Variants in ZMYM4 observed in about 807,000 individuals in gnomAD.
ZMYM4 encodes zinc finger MYM-type protein 4.
Under a neutral mutation model 183.2 loss-of-function variants are expected in ZMYM4, and 31 were observed. The ratio of observed to expected loss-of-function variants is 0.17; its 90% CI spans 0.13 to 0.23. ZMYM4 has a LOEUF of 0.23. Among genes scored for constraint, ZMYM4 ranks in the 10% least tolerant of loss-of-function variants. The probability of loss-of-function intolerance (pLI) is 1.00; values close to 1 mark genes in which losing one functional copy is unlikely to be tolerated. For synonymous variants in ZMYM4, 592 were observed against 631.2 expected (o/e 0.94, Z 0.93); for missense variants, 1,273 against 1,840.3 (o/e 0.69, Z 5.64).
At chr1:35,398,742 C>T (rs1644851320) in intron 21 of ZMYM4, 122 bp from the exon 22 acceptor site, 3 of 986,156 alleles carry the variant, frequency 3.0e-6, no homozygotes, top group Non-Finnish European at 4.5e-6. Context: ...TTGAGTGTAC[C>T]TAGGTAATTG....
chr1:35,393,647 T>C lies in ZMYM4; in HGVS notation c.2819T>C (p.Leu940Pro). 6.2e-7 allele frequency: 1 copy of C among 1,612,374 alleles called. No individual in the cohort carries two copies. Among genetic ancestry groups the C allele is most frequent in the African/African-American group, 1.3e-5 (1 of 75,022 alleles). The change falls in exon 18 of 30, where the codon CTT becomes CCT. Residue 940 changes from leucine (L) to proline (P), a missense_variant. Physicochemically the swap from Leu to Pro is moderately conservative, Grantham distance 98. Around this residue, in one of 6 missense-constraint regions of ZMYM4, gnomAD observed 290 missense variants for 353.3 expected, o/e 0.82. Transcript: ENST00000314607. ...CTGCCACCTTCCCAACCTCCAAGGC[T>C]TTTGAAGAACAAAGCTTTATTATGC... Reference protein sequence around the residue: ...LKLPPSQPPRLLKNKALLCKP... With the variant: ...LKLPPSQPPRPLKNKALLCKP...
intron 1 of ZMYM4, among the ~76,000 whole-genome samples, chr1:35,297,437 G>GC (rs1557941262): frequency 6.6e-6 from 1 of 150,982 alleles, no homozygotes; most frequent in Non-Finnish European, 1.5e-5. Flanking sequence ...GTTGCAGTGA[G>GC]CCGAGGTCAC....
At chr1:35,291,129 T>C (rs1640739380) in intron 1 of ZMYM4, among the ~76,000 whole-genome samples, 1 of 152,216 alleles carries the variant, frequency 6.6e-6, no homozygotes, top group African/African-American at 2.4e-5. Flanking sequence ...TAAACATGTT[T>C]TCATTTTTCT....
At chr1:35,305,003 G>T in intron 1 of ZMYM4, among the ~76,000 whole-genome samples, 1 of 151,926 alleles carries the variant, frequency 6.6e-6, no homozygotes, top group Non-Finnish European at 1.5e-5. Flanking sequence ...GCGCTACTAC[G>T]ACCAGCTAAT....
In ZMYM4 at chr1:35,381,366, A is replaced by G. The variant is rs1335468696; in HGVS notation, c.1289A>G (p.Lys430Arg). The G allele has an allele frequency of 1.2e-6, 2 of 1,613,196 alleles. No homozygotes were observed. Among genetic ancestry groups the G allele is most frequent in the Non-Finnish European group, 1.7e-6 (2 of 1,179,684 alleles). The change falls in exon 8 of 30, where the codon AAA (lysine) becomes AGA (arginine). Residue 430 changes from lysine to arginine, a missense_variant. Physicochemically the swap from Lys to Arg is conservative, Grantham distance 26 (BLOSUM62 2). Around this residue, in one of 6 missense-constraint regions of ZMYM4, gnomAD observed 319 missense variants for 518.1 expected, o/e 0.62. Coordinates refer to ENST00000314607, the MANE Select transcript of ZMYM4 (RefSeq NM_005095.3). ...SCLSTYELKK[K>R]PIVTINTNSI... ...TTGTCAACATATGAACTGAAAAAAA[A>G]ACCTATTGTTACCATAAATACAAAT... is the stretch of plus-strand genomic sequence containing the variant.
chr1:35,347,654 A>G (rs1165717833), intron 2 of ZMYM4, among the ~76,000 whole-genome samples: 1 of 152,126 alleles, frequency 6.6e-6, no homozygotes, highest in Non-Finnish European at 1.5e-5. Context: ...GAAAATACAG[A>G]TTTTTGTTTT....
intron 26 of ZMYM4, among the ~76,000 whole-genome samples, chr1:35,411,451 G>A (rs538818611): frequency 1.6e-4 from 24 of 152,108 alleles, no homozygotes; most frequent in Admixed American, 9.8e-4. Flanking sequence ...CACTGTGCCC[G>A]GCCCTAATCC....
chr1:35,370,019 T>C lies in ZMYM4; in HGVS notation c.841-10T>C. The C allele has an allele frequency of 6.3e-7, 1 of 1,593,584 alleles. No homozygotes were observed. Among genetic ancestry groups the C allele is most frequent in the African/African-American group, 1.3e-5 (1 of 74,150 alleles). On this transcript the variant is annotated splice_polypyrimidine_tract_variant and intron_variant, in intron 5 of 29. Transcript: ENST00000314607. ...CTCTATGTATTTATTTATTTTTTTC[T>C]TCTTTAAAGGAGTATAGTCATGGCC...
rs889970313 is a variant in ZMYM4 at position 35,420,134 on chromosome 1, C to CTG, written c.*460_*461dup. The CTG allele has an allele frequency of 1.8e-4, 28 of 159,040 alleles. No homozygotes were observed. Among genetic ancestry groups the CTG allele is most frequent in the African/African-American group, 4.1e-4 (17 of 41,628 alleles). 9.9% of individuals were successfully genotyped at this position (159,040 alleles called of 1,614,324 possible). On this transcript the variant is annotated 3_prime_UTR_variant, in exon 30 of 30. Coordinates refer to ENST00000314607, the MANE Select transcript of ZMYM4 (RefSeq NM_005095.3). The stretch of plus-strand genomic sequence containing the variant: ...AGCTAAGAGTGACATCAAATGAGGA[C>CTG]TGTGGGACCCAGATTTGAAGACCCA...
chr1:35,330,755 T>C (rs1371869578), intron 2 of ZMYM4, among the ~76,000 whole-genome samples: 4 of 152,224 alleles, frequency 2.6e-5, no homozygotes, highest in African/African-American at 9.6e-5. Flanking sequence ...ATCATTTCAC[T>C]TTTAAGTGAT....
At chr1:35,362,043 A>G (rs530850073) in intron 5 of ZMYM4, among the ~76,000 whole-genome samples, 1 of 152,334 alleles carries the variant, frequency 6.6e-6, no homozygotes, top group East Asian at 1.9e-4. Context: ...ATTTTAGCGC[A>G]AGGCTTTGAG....
At chr1:35,361,516 C>A in intron 4 of ZMYM4, 103 bp from the exon 5 acceptor site, 1 of 1,309,730 alleles carries the variant, frequency 7.6e-7, no homozygotes, top group Non-Finnish European at 1.0e-6. Flanking sequence ...AATGAATGTC[C>A]ATAGAGTTCT....
intron 28 of ZMYM4, among the ~76,000 whole-genome samples, chr1:35,416,686 C>A (rs1245617173): frequency 6.6e-6 from 1 of 152,230 alleles, no homozygotes; most frequent in East Asian, 1.9e-4. Context: ...GCCTCAGCCT[C>A]CCAAGTAGCT....
intron 11 of ZMYM4, among the ~76,000 whole-genome samples, chr1:35,386,514 C>T (rs903012218): frequency 6.6e-6 from 1 of 152,126 alleles, no homozygotes; most frequent in African/African-American, 2.4e-5. Flanking sequence ...GAAATCCACC[C>T]CCATGATCCA....
At chr1:35,376,015 GCAGTGAGCTATGATCA>G (rs553444851) in intron 7 of ZMYM4, among the ~76,000 whole-genome samples, 74 of 151,940 alleles carry the variant, frequency 4.9e-4, no homozygotes, top group African/African-American at 1.7e-3. Context: ...GTTTGAGGCT[GCAGTGAGCTATGATCA>G]CACTCCTGCT....
intron 2 of ZMYM4, among the ~76,000 whole-genome samples, chr1:35,328,402 A>T (rs959822230): frequency 5.3e-5 from 8 of 151,526 alleles, no homozygotes; most frequent in African/African-American, 1.9e-4. Context: ...CCATCTCAGC[A>T]TCCAAGTAGC....
At chr1:35,374,709 T>TA (rs1335230619) in intron 7 of ZMYM4, among the ~76,000 whole-genome samples, 1 of 151,830 alleles carries the variant, frequency 6.6e-6, no homozygotes, top group Non-Finnish European at 1.5e-5. Flanking sequence ...TTTTTTTTTT[T>TA]AAAGATTTAT....
At chr1:35,351,432 A>G in intron 2 of ZMYM4, 1 of 1,575,036 alleles carries the variant, frequency 6.3e-7, no homozygotes. Flanking sequence ...GATGGAGGAG[A>G]TGTATAAGAA....
intron 27 of ZMYM4, among the ~76,000 whole-genome samples, chr1:35,414,676 A>G (rs1640043041): frequency 6.6e-6 from 1 of 152,232 alleles, no homozygotes; most frequent in Non-Finnish European, 1.5e-5. Context: ...TCTATGAGCT[A>G]AAAATTGTTT....
Sources: allele counts gnomAD v4.1 joint callset (sites outside exome capture counted in the v4.1 genomes callset), GRCh38; gene constraint gnomAD v4.1.1; regional missense constraint gnomAD v4.1.1; transcripts MANE v1.5; gene names NCBI Gene and HGNC (gene_info 2026-07-23, HGNC 2026-07-21).